Variants in PPP2R5A observed in about 807,000 individuals in gnomAD.
PPP2R5A encodes protein phosphatase 2 regulatory subunit B'alpha, also known as serine/threonine-protein phosphatase 2A 56 kDa regulatory subunit alpha isoform.
In PPP2R5A, 25 loss-of-function variants were observed where a neutral mutation model predicts 64.2. The ratio of observed to expected loss-of-function variants is 0.39; its 90% CI spans 0.28 to 0.54. The LOEUF (loss-of-function observed/expected upper bound fraction) is 0.54, where lower values mean the gene tolerates loss of function less well. Among genes scored for constraint, PPP2R5A ranks in the 20% least tolerant of loss-of-function variants. The pLI is 0.67. For missense variants in PPP2R5A, 425 were observed against 576.3 expected (o/e 0.74, Z 2.69); for synonymous variants, 198 against 201.2 (o/e 0.98, Z 0.13).
At chr1:212,345,729 C>T in intron 4 of PPP2R5A, 74 bp from the exon 5 acceptor site, 2 of 1,491,286 alleles carry the variant, frequency 1.3e-6, no homozygotes, top group Non-Finnish European at 1.8e-6. Context: ...CATGGATAAT[C>T]TTTAAGATCA....
At chr1:212,321,838 G>A (rs1014642220) in intron 1 of PPP2R5A, among the ~76,000 whole-genome samples, 18 of 151,046 alleles carry the variant, frequency 1.2e-4, no homozygotes, top group African/African-American at 2.4e-5. Context: ...AAGGCAGGCA[G>A]CTGGGAGGTG....
rs1346643457 is a variant in PPP2R5A, at chr1:212,286,078, C to T, written c.-33C>T. 1 of 1,509,552 alleles carries T rather than the reference C, an allele frequency of 6.6e-7. No homozygotes were observed. The highest frequency in any genetic ancestry group is 8.8e-7 in the Non-Finnish European group (1 of 1,132,652). 93.5% of individuals were successfully genotyped at this position (1,509,552 alleles called of 1,614,324 possible). A position where few individuals can be genotyped will look rare whatever the true frequency, so the allele number is the denominator to read the frequency against. ...GCCGCTGCCCGTGCCTTGCAAGCAGCAGCCGGAGCTGCCAAGCGTCAGGGC... is the reference window on the plus strand; with the variant it reads ...GCCGCTGCCCGTGCCTTGCAAGCAGTAGCCGGAGCTGCCAAGCGTCAGGGC... On this transcript the variant is annotated 5_prime_UTR_variant, in exon 1 of 13. Coordinates refer to ENST00000261461, the MANE Select transcript of PPP2R5A (RefSeq NM_006243.4).
At chr1:212,297,562 C>T (rs1199433431) in intron 1 of PPP2R5A, 1 of 152,116 alleles carries the variant, frequency 6.6e-6, no homozygotes, top group Non-Finnish European at 1.5e-5. Flanking sequence ...AGTCTTTAGA[C>T]CTTTAGACTG....
intron 11 of PPP2R5A, 149 bp downstream of exon 11, chr1:212,357,433 A>G (rs1376047204): frequency 3.1e-6 from 2 of 650,108 alleles, no homozygotes; most frequent in Non-Finnish European, 4.8e-6. Flanking sequence ...TGTATTTTAT[A>G]TACGTATACC....
chr1:212,345,155 A>ATT (rs1553276536), intron 4 of PPP2R5A, among the ~76,000 whole-genome samples: 1 of 148,932 alleles, frequency 6.7e-6, no homozygotes, highest in Admixed American at 6.7e-5. Context: ...ACAGAGCAAG[A>ATT]CTGTCTTAAA....
At chr1:212,319,957 T>G (rs1659236869) in intron 1 of PPP2R5A, among the ~76,000 whole-genome samples, 1 of 149,758 alleles carries the variant, frequency 6.7e-6, no homozygotes, top group African/African-American at 2.5e-5. Context: ...GTTTTTTTTT[T>G]TTTTTTTTTT....
chr1:212,353,029 C>G (rs975697937), intron 8 of PPP2R5A: 13 of 497,744 alleles, frequency 2.6e-5, no homozygotes, highest in Non-Finnish European at 4.8e-5. Context: ...TAGGTGGGCC[C>G]TCTGCTCAGG....
At chr1:212,345,443 T>C (rs914005368) in intron 4 of PPP2R5A, among the ~76,000 whole-genome samples, 1 of 152,306 alleles carries the variant, frequency 6.6e-6, no homozygotes, top group African/African-American at 2.4e-5. Flanking sequence ...CGATTTTCTA[T>C]GTAGTTTTGA....
intron 1 of PPP2R5A, among the ~76,000 whole-genome samples, chr1:212,300,105 G>A (rs1198803451): frequency 2.0e-5 from 3 of 152,132 alleles, no homozygotes; most frequent in South Asian, 2.1e-4. Context: ...GTGAGCCACC[G>A]CACCTGGCCC....
At chr1:212,345,489 C>T (rs746011278) in intron 4 of PPP2R5A, among the ~76,000 whole-genome samples, 5 of 152,164 alleles carry the variant, frequency 3.3e-5, no homozygotes, top group African/African-American at 4.8e-5. Flanking sequence ...AATTTTAACA[C>T]TCCAAAATTG....
At chr1:212,316,413 G>A (rs532523214) in intron 1 of PPP2R5A, among the ~76,000 whole-genome samples, 2 of 152,098 alleles carry the variant, frequency 1.3e-5, no homozygotes, top group Non-Finnish European at 2.9e-5. Context: ...TTAAGCCAAA[G>A]CCTAATCCAG....
intron 1 of PPP2R5A, among the ~76,000 whole-genome samples, chr1:212,314,007 A>G (rs1285603326): frequency 6.6e-6 from 1 of 152,234 alleles, no homozygotes; most frequent in Non-Finnish European, 1.5e-5. Context: ...CCATGAATAT[A>G]ATATATCTCC....
At chr1:212,348,286 G>C (rs1659817625) in intron 6 of PPP2R5A, 103 bp from the exon 7 acceptor site, 2 of 724,914 alleles carry the variant, frequency 2.8e-6, no homozygotes, top group Non-Finnish European at 4.8e-6. Context: ...TACAACACCA[G>C]GATTGAAGCA....
chr1:212,291,528 AG>A (rs1316276416), intron 1 of PPP2R5A, among the ~76,000 whole-genome samples: 1 of 152,256 alleles, frequency 6.6e-6, no homozygotes. Flanking sequence ...ACGCGCAGCC[AG>A]GATTGAGAAT....
At chr1:212,291,349 T>G (rs537082857) in intron 1 of PPP2R5A, among the ~76,000 whole-genome samples, 3 of 152,204 alleles carry the variant, frequency 2.0e-5, no homozygotes, top group Non-Finnish European at 4.4e-5. Flanking sequence ...CCCAAAGTTA[T>G]GGGATTACAG....
At chr1:212,325,831 G>C (rs1427324305) in intron 1 of PPP2R5A, among the ~76,000 whole-genome samples, 1 of 152,186 alleles carries the variant, frequency 6.6e-6, no homozygotes, top group Non-Finnish European at 1.5e-5. Flanking sequence ...CTCGTTTAGT[G>C]TGTAGTACAT....
chr1:212,351,285 C>T (rs1461535536), intron 8 of PPP2R5A, among the ~76,000 whole-genome samples: 1 of 151,930 alleles, frequency 6.6e-6, no homozygotes, highest in Non-Finnish European at 1.5e-5. Flanking sequence ...AAAGATCTCT[C>T]GATATAGAGA....
At chr1:212,313,350 G>T (rs1659075721) in intron 1 of PPP2R5A, among the ~76,000 whole-genome samples, 1 of 152,174 alleles carries the variant, frequency 6.6e-6, no homozygotes, top group Non-Finnish European at 1.5e-5. Context: ...TAGGTATAAA[G>T]TGATGTATGA....
At position 212,303,142 on chromosome 1, in the gene PPP2R5A, G is replaced by T. The variant is rs536323778; in HGVS notation, c.181+16851G>T. Among the ~76,000 whole-genome samples the T allele has an allele frequency of 1.4e-4, 22 of 152,228 alleles. No individual in the cohort carries two copies. The East Asian group carries it at 3.9e-3, about 27-fold the overall frequency. ...CTGCTCGGTCATAAGGTAATTCTGGGCTTAGTCACTTGATAAATTGCCACA... is the reference window on the plus strand; with the variant it reads ...CTGCTCGGTCATAAGGTAATTCTGGTCTTAGTCACTTGATAAATTGCCACA... On this transcript the variant is annotated intron_variant, in intron 1 of 12. Transcript: ENST00000261461.
Sources: allele counts gnomAD v4.1 joint callset (sites outside exome capture counted in the v4.1 genomes callset), GRCh38; gene constraint gnomAD v4.1.1; transcripts MANE v1.5; gene names NCBI Gene and HGNC (gene_info 2026-07-23, HGNC 2026-07-21).